The following PPM1E variants were observed in gnomAD, a reference collection of about 807,000 sequenced individuals.
The protein encoded by PPM1E is protein phosphatase 1E.
In PPM1E, 20 loss-of-function variants were observed where a neutral mutation model predicts 65.9. The ratio of observed to expected loss-of-function variants is 0.30; its 90% confidence interval spans 0.21 to 0.44. PPM1E has a LOEUF of 0.44. Among genes scored for constraint, PPM1E ranks in the 20% least tolerant of loss-of-function variants. The pLI is 1.00. For missense variants in PPM1E, 713 were observed against 953.1 expected, an observed-to-expected ratio of 0.75 and a Z score of 3.32; for synonymous variants, 352 against 374.9, an observed-to-expected ratio of 0.94 and a Z score of 0.70.
chr17:58,984,714 T>C lies in PPM1E; in HGVS notation c.*3683T>C, dbSNP rs2031635857. 1 of 152,606 alleles carries C rather than the reference T, an allele frequency of 6.6e-6. No individual in the cohort carries two copies. Among genetic ancestry groups the C allele is most frequent in the African/African-American group, 2.4e-5 (1 of 41,452 alleles). The allele number at this position is 152,606 out of a possible 1,614,324, so 9.5% of individuals were successfully genotyped here. On this transcript the variant is annotated 3_prime_UTR_variant, in exon 7 of 7. Coordinates refer to ENST00000308249, the MANE Select transcript of PPM1E (RefSeq NM_014906.5). The stretch of plus-strand genomic sequence containing the variant: ...TACCACCAGTATTACAACACAATGA[T>C]TTTCCAGACAAATGGTATGGTGTTG...
chr17:58,808,310 C>T (rs1430144628), intron 1 of PPM1E, among the ~76,000 whole-genome samples: 1 of 151,998 alleles, frequency 6.6e-6, no homozygotes, highest in Non-Finnish European at 1.5e-5. Flanking sequence ...TCCATATAAC[C>T]CTTAGGATCA....
intron 1 of PPM1E, among the ~76,000 whole-genome samples, chr17:58,835,439 T>G (rs1035708985): frequency 7.2e-5 from 11 of 152,218 alleles, no homozygotes. Context: ...TTTTAATTTT[T>G]TTTTAGTGTT....
chr17:58,800,491 T>C (rs1193594118), intron 1 of PPM1E, among the ~76,000 whole-genome samples: 1 of 152,162 alleles, frequency 6.6e-6, no homozygotes, highest in Non-Finnish European at 1.5e-5. Flanking sequence ...TCTGAGGTTG[T>C]ATAAGATGTT....
At chr17:58,883,981 C>T (rs1469724674) in intron 1 of PPM1E, among the ~76,000 whole-genome samples, 4 of 152,142 alleles carry the variant, frequency 2.6e-5, no homozygotes, top group African/African-American at 9.7e-5. Flanking sequence ...TGGGCTCAAT[C>T]GAATCGGGGA....
chr17:58,866,757 A>T lies in PPM1E; in HGVS notation c.465-88892A>T, dbSNP rs1260256407. 2.6e-5 allele frequency among the ~76,000 whole-genome samples: 4 copies of T among 152,210 alleles called. No individual in the cohort carries two copies. The East Asian group carries it at 7.7e-4, about 29-fold the overall frequency. ...GATAAGGGAGAGAGAGCAGATCTTTAGACCTGAGAAAAACCTTCCATAGGT... is the reference window on the plus strand; with the variant it reads ...GATAAGGGAGAGAGAGCAGATCTTTTGACCTGAGAAAAACCTTCCATAGGT... On this transcript the variant is annotated intron_variant, in intron 1 of 6. Coordinates refer to ENST00000308249, the MANE Select transcript of PPM1E (RefSeq NM_014906.5).
At chr17:58,849,781 A>G (rs555871379) in intron 1 of PPM1E, among the ~76,000 whole-genome samples, 18 of 152,260 alleles carry the variant, frequency 1.2e-4, no homozygotes, top group South Asian at 1.0e-3. Flanking sequence ...GCAGATGTCT[A>G]TTAGGTCTGC....
At chr17:58,947,000 G>T (rs1337461088) in intron 1 of PPM1E, among the ~76,000 whole-genome samples, 4 of 149,618 alleles carry the variant, frequency 2.7e-5, no homozygotes, top group African/African-American at 9.9e-5. Context: ...ATTAATTTTT[G>T]TATATGGTGT....
At chr17:58,912,722 C>T (rs2051641224) in intron 1 of PPM1E, among the ~76,000 whole-genome samples, 1 of 152,136 alleles carries the variant, frequency 6.6e-6, no homozygotes, top group Non-Finnish European at 1.5e-5. Context: ...GATGGGGGTG[C>T]TGGTTGCCAG....
At chr17:58,950,777 C>CTTT (rs1036026350) in intron 1 of PPM1E, among the ~76,000 whole-genome samples, 8 of 119,886 alleles carry the variant, frequency 6.7e-5, no homozygotes, top group Non-Finnish European at 1.1e-4. Context: ...CTGTTTGGTT[C>CTTT]TTTTTTTTTT....
chr17:58,854,904 G>C (rs2050866119), intron 1 of PPM1E, among the ~76,000 whole-genome samples: 1 of 152,148 alleles, frequency 6.6e-6, no homozygotes, highest in Admixed American at 6.5e-5. Context: ...CAAAATTGGA[G>C]ATACTGACAG....
intron 1 of PPM1E, among the ~76,000 whole-genome samples, chr17:58,798,903 A>C (rs913297861): frequency 5.9e-5 from 9 of 151,958 alleles, no homozygotes; most frequent in South Asian, 2.1e-4. Flanking sequence ...TATGTTGGCC[A>C]GGCTGGTGTC....
rs2031308449 is a variant in PPM1E, at chr17:58,980,749, C to A, written c.1986C>A (p.Asn662Lys). ...ATGAACAGTTCAAATCCCCGGGAAA[C>A]AGAGTTTCTAGATTGTCTCATTTAC... is the stretch of plus-strand genomic sequence containing the variant. ...LENEQFKSPG[N>K]RVSRLSHLRH... Residue 662 changes from asparagine to lysine, a missense_variant, in exon 7 of 7, where the codon AAC (asparagine) becomes AAA (lysine). Around this residue, in one of 6 missense-constraint regions of PPM1E, gnomAD observed 286 missense variants for 313.8 expected, o/e 0.91. Transcript: ENST00000308249. The surrounding 1 kb of genome is among the most constrained non-coding windows in gnomAD (Gnocchi z 4.7). 5.0e-6 allele frequency: 8 copies of A among 1,614,132 alleles called. No homozygotes were observed. Among genetic ancestry groups the A allele is most frequent in the Non-Finnish European group, 6.8e-6 (8 of 1,180,002 alleles).
chr17:58,853,610 C>A (rs1770546815), intron 1 of PPM1E, among the ~76,000 whole-genome samples: 1 of 152,118 alleles, frequency 6.6e-6, no homozygotes, highest in Admixed American at 6.5e-5. Flanking sequence ...GGTGGATCAC[C>A]TGAGGTCAGA....
At chr17:58,953,698 C>G (rs2052272432) in intron 1 of PPM1E, among the ~76,000 whole-genome samples, 1 of 152,062 alleles carries the variant, frequency 6.6e-6, no homozygotes, top group South Asian at 2.1e-4. Flanking sequence ...ACTAGAATAT[C>G]CAGGTAACCA....
intron 1 of PPM1E, among the ~76,000 whole-genome samples, chr17:58,845,067 G>A (rs2050757559): frequency 6.6e-6 from 1 of 152,202 alleles, no homozygotes; most frequent in Non-Finnish European, 1.5e-5. Context: ...GGTAAGCTTT[G>A]CCTGTGTCTG....
At chr17:58,857,384 C>T (rs2050894289) in intron 1 of PPM1E, among the ~76,000 whole-genome samples, 3 of 151,936 alleles carry the variant, frequency 2.0e-5, no homozygotes, top group African/African-American at 7.3e-5. Context: ...GGCTCAGTGG[C>T]AGTACTATGT....
At chr17:58,898,583 T>C (rs147622884) in intron 1 of PPM1E, among the ~76,000 whole-genome samples, 4 of 152,308 alleles carry the variant, frequency 2.6e-5, no homozygotes, top group African/African-American at 9.6e-5. Context: ...AGTTCAATCA[T>C]TGTGGAAGAC....
rs116236871 is a variant in PPM1E, at chr17:58,777,265, C to T, written c.464+20804C>T. On this transcript the variant is annotated intron_variant, in intron 1 of 6. Coordinates refer to ENST00000308249, the MANE Select transcript of PPM1E (RefSeq NM_014906.5). ...ATCATAGATATGCCCAAACATTTTG[C>T]TCTTAATAGCATAATTAAGATATTT... 9.3e-4 allele frequency among the ~76,000 whole-genome samples: 141 copies of T among 152,206 alleles called. 1 individual carries two copies. Among genetic ancestry groups the T allele is most frequent in the African/African-American group, 3.3e-3 (138 of 41,538 alleles).
chr17:58,795,906 G>A (rs117955296), intron 1 of PPM1E, among the ~76,000 whole-genome samples: 255 of 152,164 alleles, frequency 1.7e-3, no homozygotes, highest in Non-Finnish European at 3.2e-3. Context: ...ACTTGTTTAC[G>A]TTTCTTATAG....
Sources: allele counts gnomAD v4.1 joint callset (sites outside exome capture counted in the v4.1 genomes callset), GRCh38; gene constraint gnomAD v4.1.1; regional missense constraint gnomAD v4.1.1; non-coding constraint Gnocchi (gnomAD v3.1); transcripts MANE v1.5; gene names NCBI Gene and HGNC (gene_info 2026-07-23, HGNC 2026-07-21).